Variants in PPP4R4 observed in about 807,000 individuals in gnomAD.
PPP4R4 encodes serine/threonine-protein phosphatase 4 regulatory subunit 4.
Under a neutral mutation model 121.8 loss-of-function variants are expected in PPP4R4, and 70 were observed. The ratio of observed to expected loss-of-function variants is 0.57; its 90% CI spans 0.47 to 0.70. PPP4R4 has a LOEUF of 0.70. PPP4R4 is among the 30% of genes least tolerant of loss of function. PPP4R4 has a pLI of 0.00. For missense variants in PPP4R4, 875 were observed against 1,033.6 expected, an observed-to-expected ratio of 0.85 and a Z score of 2.10; for synonymous variants, 348 against 355.7, an observed-to-expected ratio of 0.98 and a Z score of 0.24.
chr14:94,217,921 G>A (rs1891116629), intron 3 of PPP4R4, among the ~76,000 whole-genome samples: 1 of 152,192 alleles, frequency 6.6e-6, no homozygotes, highest in Admixed American at 6.5e-5. Context: ...TTGAACCCGG[G>A]AGGCGGAGGT....
intron 2 of PPP4R4, among the ~76,000 whole-genome samples, chr14:94,185,099 T>G (rs960216774): frequency 6.6e-6 from 1 of 152,180 alleles, no homozygotes; most frequent in Non-Finnish European, 1.5e-5. Flanking sequence ...TTGGAAATAG[T>G]TTAAGACAGA....
At chr14:94,273,614 G>C (rs1167072574) in intron 23 of PPP4R4, among the ~76,000 whole-genome samples, 1 of 152,080 alleles carries the variant, frequency 6.6e-6, no homozygotes, top group African/African-American at 2.4e-5. Flanking sequence ...TGTGGACTTT[G>C]GGTGATAATG....
Position 94,265,420 on chromosome 14 carries a change from C to T in PPP4R4, c.2231C>T (p.Pro744Leu), listed in dbSNP as rs1893993034. 4.3e-6 allele frequency: 7 copies of T among 1,613,212 alleles called. No homozygotes were observed. The highest frequency in any genetic ancestry group is 5.1e-6 in the Non-Finnish European group (6 of 1,179,232). Residue 744 changes from proline (P) to leucine (L), a missense_variant, in exon 21 of 25, where the codon CCC becomes CTC. Pro to Leu is a moderately conservative substitution (Grantham distance 98). Transcript: ENST00000304338. ...RDTKTPTQSL[P>L]KNIPISVPGP... ...ACTAAGACACCAACGCAAAGTCTGC[C>T]CAAGAACATCCCCATTTCTGTTCCT...
intron 2 of PPP4R4, among the ~76,000 whole-genome samples, chr14:94,189,287 A>T (rs1302560312): frequency 6.6e-6 from 1 of 152,128 alleles, no homozygotes; most frequent in African/African-American, 2.4e-5. Context: ...GATGTATTTT[A>T]TTTCCAAGAC....
chr14:94,226,708 T>G (rs1487013085), intron 3 of PPP4R4, among the ~76,000 whole-genome samples: 4 of 152,164 alleles, frequency 2.6e-5, no homozygotes, highest in Non-Finnish European at 5.9e-5. Flanking sequence ...TGATCTTCAG[T>G]GTTTTAATAT....
intron 19 of PPP4R4, among the ~76,000 whole-genome samples, chr14:94,261,354 T>A (rs1197952355): frequency 6.6e-6 from 1 of 152,156 alleles, no homozygotes; most frequent in East Asian, 1.9e-4. Context: ...TACATTTTTT[T>A]ATTTCACTTT....
intron 8 of PPP4R4, 142 bp from the exon 9 acceptor site, chr14:94,240,531 C>T (rs182346946): frequency 8.8e-5 from 75 of 856,040 alleles, no homozygotes; most frequent in African/African-American, 1.6e-4. Flanking sequence ...CCACCTCCAT[C>T]GTTGTTGCTT....
chr14:94,209,787 G>C (rs1890647953), intron 3 of PPP4R4, among the ~76,000 whole-genome samples: 1 of 152,112 alleles, frequency 6.6e-6, no homozygotes, highest in Non-Finnish European at 1.5e-5. Context: ...CAGAGTTAAT[G>C]TAAGTAAGCA....
At chr14:94,268,975 T>C (rs556805428) in intron 23 of PPP4R4, among the ~76,000 whole-genome samples, 1 of 152,302 alleles carries the variant, frequency 6.6e-6, no homozygotes, top group African/African-American at 2.4e-5. Flanking sequence ...ATATTATTTT[T>C]AGTTGAGGGA....
intron 23 of PPP4R4, among the ~76,000 whole-genome samples, chr14:94,271,500 G>A (rs545802776): frequency 6.6e-6 from 1 of 152,220 alleles, no homozygotes; most frequent in African/African-American, 2.4e-5. Flanking sequence ...GCTAGGAATA[G>A]AGAACTTCCT....
At chr14:94,256,409 G>A in intron 16 of PPP4R4, 51 bp from the exon 17 acceptor site, 1 of 1,432,324 alleles carries the variant, frequency 7.0e-7, no homozygotes, top group Non-Finnish European at 9.5e-7. Context: ...TTATGTTTCT[G>A]TTATTCTTAG....
chr14:94,189,040 G>T (rs1466430490), intron 2 of PPP4R4, among the ~76,000 whole-genome samples: 7 of 152,056 alleles, frequency 4.6e-5, no homozygotes, highest in African/African-American at 1.7e-4. Flanking sequence ...TACCATAAGA[G>T]AAATCAGGGA....
chr14:94,223,119 T>C (rs1891505735), intron 3 of PPP4R4, among the ~76,000 whole-genome samples: 1 of 152,178 alleles, frequency 6.6e-6, no homozygotes, highest in Non-Finnish European at 1.5e-5. Flanking sequence ...AAATCCTCAA[T>C]TGTATCTTTT....
chr14:94,260,943 A>G (rs1317815539), intron 19 of PPP4R4, among the ~76,000 whole-genome samples: 1 of 151,914 alleles, frequency 6.6e-6, no homozygotes, highest in Non-Finnish European at 1.5e-5. Flanking sequence ...TTTAGGTTTT[A>G]TATTTAGGTT....
At position 94,279,143 on chromosome 14, in the gene PPP4R4, G is replaced by A. The variant is rs1399113714; in HGVS notation, c.*500G>A. ...GCCCACTTGAAAAGTCACACTGAAA[G>A]GATGCAAATAGCCGTCTGCGATTTT... is the stretch of plus-strand genomic sequence containing the variant. On this transcript the variant is annotated 3_prime_UTR_variant, in exon 25 of 25. Coordinates refer to ENST00000304338, the MANE Select transcript of PPP4R4 (RefSeq NM_058237.2). The A allele has an allele frequency of 6.6e-6, 1 of 152,530 alleles. No homozygotes were observed. The highest frequency in any genetic ancestry group is 6.5e-5 in the Admixed American group (1 of 15,268). The allele number at this position is 152,530 out of a possible 1,614,324, so 9.4% of individuals were successfully genotyped here.
intron 2 of PPP4R4, among the ~76,000 whole-genome samples, chr14:94,186,320 A>G (rs1271078240): frequency 6.6e-6 from 1 of 152,160 alleles, no homozygotes; most frequent in Admixed American, 6.5e-5. Context: ...ACTATAAATT[A>G]GTTTCCAATT....
chr14:94,261,460 G>A, intron 19 of PPP4R4, among the ~76,000 whole-genome samples: 1 of 151,722 alleles, frequency 6.6e-6, no homozygotes, highest in East Asian at 1.9e-4. Context: ...TCTAAAAATT[G>A]TTTTTTAGAT....
In PPP4R4 at chr14:94,242,216, C is replaced by T. The variant is rs1892669912; in HGVS notation, c.1147-73C>T. ...GAACATGATTTCAATTTAAGTGAAACGATTATAATATTAGGTATTGATGCA... is the reference window on the plus strand; with the variant it reads ...GAACATGATTTCAATTTAAGTGAAATGATTATAATATTAGGTATTGATGCA... On this transcript the variant is annotated intron_variant, in intron 10 of 24. Coordinates refer to ENST00000304338, the MANE Select transcript of PPP4R4 (RefSeq NM_058237.2). The T allele has an allele frequency of 6.1e-6, 9 of 1,483,004 alleles. No individual in the cohort carries two copies. In the South Asian group the frequency reaches 6.2e-5, roughly 10 times the overall value. 91.9% of individuals were successfully genotyped at this position (1,483,004 alleles called of 1,614,324 possible).
At chr14:94,268,217 A>G (rs1894142975) in intron 23 of PPP4R4, among the ~76,000 whole-genome samples, 1 of 152,216 alleles carries the variant, frequency 6.6e-6, no homozygotes, top group Non-Finnish European at 1.5e-5. Flanking sequence ...ACCAGTTTGA[A>G]TTAGCTTCGA....
Sources: gnomAD v4.1 joint callset for allele counts (sites outside exome capture counted in the v4.1 genomes callset) on GRCh38, gnomAD v4.1.1 for gene constraint, MANE v1.5 for transcripts, NCBI Gene and HGNC (gene_info 2026-07-23, HGNC 2026-07-21) for gene names.